KCNT2: variants seen among roughly 807,000 people sequenced by gnomAD.
The protein encoded by KCNT2 is potassium sodium-activated channel subfamily T member 2.
In KCNT2, 67 loss-of-function variants were observed where a neutral mutation model predicts 153.8. That is an observed-to-expected ratio of 0.44 (90% confidence interval 0.36 to 0.53). KCNT2 has a LOEUF of 0.53. Among genes scored for constraint, KCNT2 ranks in the 20% least tolerant of loss-of-function variants. KCNT2 has a pLI of 0.00. For missense variants in KCNT2, 975 were observed against 1,354.8 expected, an observed-to-expected ratio of 0.72 and a Z score of 4.40; for synonymous variants, 500 against 458.8, an observed-to-expected ratio of 1.09 and a Z score of -1.15.
intron 23 of KCNT2, 44 bp from the exon 24 acceptor site, chr1:196,282,400 TATA>T (rs764624338): frequency 1.1e-6 from 1 of 932,178 alleles, no homozygotes; most frequent in South Asian, 1.4e-5. Context: ...TATATTTATA[TATA>T]ATGTGTATGA....
chr1:196,397,084 A>G (rs1310395755), intron 13 of KCNT2, among the ~76,000 whole-genome samples: 1 of 151,512 alleles, frequency 6.6e-6, no homozygotes, highest in Admixed American at 6.6e-5. Flanking sequence ...AAACAGAGAC[A>G]TAATCTGTAT....
At chr1:196,353,038 C>G (rs1572143048) in intron 14 of KCNT2, among the ~76,000 whole-genome samples, 1 of 152,012 alleles carries the variant, frequency 6.6e-6, no homozygotes. Flanking sequence ...ATCCTGAGTT[C>G]TAGTTTGATT....
At chr1:196,405,383 CCAAAGT>C (rs1388594485) in intron 12 of KCNT2, among the ~76,000 whole-genome samples, 3 of 151,054 alleles carry the variant, frequency 2.0e-5, no homozygotes, top group African/African-American at 7.3e-5. Flanking sequence ...AACATTTTAC[CCAAAGT>C]CAGTTTGCCT....
chr1:196,287,323 G>C (rs973062525), intron 22 of KCNT2, among the ~76,000 whole-genome samples: 2 of 152,068 alleles, frequency 1.3e-5, no homozygotes, highest in East Asian at 1.9e-4. Flanking sequence ...CCTAGTTCTC[G>C]AGGTGTAACA....
chr1:196,282,913 C>T (rs917056613), intron 23 of KCNT2, among the ~76,000 whole-genome samples: 3 of 152,218 alleles, frequency 2.0e-5, no homozygotes, highest in Middle Eastern at 3.4e-3. Flanking sequence ...GGCATGATAG[C>T]GGCTCACTGC....
intron 14 of KCNT2, among the ~76,000 whole-genome samples, chr1:196,349,395 C>G (rs1666424274): frequency 6.6e-6 from 1 of 152,124 alleles, no homozygotes; most frequent in South Asian, 2.1e-4. Flanking sequence ...CTTACCAGCT[C>G]AGGCTTGTTC....
chr1:196,390,443 C>A (rs1432202399), intron 13 of KCNT2, among the ~76,000 whole-genome samples: 1 of 151,470 alleles, frequency 6.6e-6, no homozygotes, highest in East Asian at 1.9e-4. Context: ...TTGCTGCAGT[C>A]AGCTGATTTT....
intron 1 of KCNT2, among the ~76,000 whole-genome samples, chr1:196,510,461 T>C (rs1681522405): frequency 6.6e-6 from 1 of 152,178 alleles, no homozygotes; most frequent in Admixed American, 6.5e-5. Context: ...ATTTACTTTA[T>C]ATTTGTTATT....
chr1:196,273,367 T>A (rs1353398352), intron 25 of KCNT2: 1 of 721,974 alleles, frequency 1.4e-6, no homozygotes, highest in Non-Finnish European at 2.3e-6. Context: ...CATTTTAATG[T>A]CTGAGTATTA....
chr1:196,426,039 A>C, intron 10 of KCNT2, 51 bp from the exon 11 acceptor site: 1 of 1,390,700 alleles, frequency 7.2e-7, no homozygotes, highest in Non-Finnish European at 1.0e-6. Flanking sequence ...GTTTTATGTT[A>C]CACTACATAG....
chr1:196,506,907 C>T (rs1052007144), intron 1 of KCNT2, among the ~76,000 whole-genome samples: 1 of 152,104 alleles, frequency 6.6e-6, no homozygotes, highest in Non-Finnish European at 1.5e-5. Context: ...TTTTTAATGA[C>T]TGCATATCAT....
chr1:196,461,849 CAT>C (rs1284262368), intron 8 of KCNT2, among the ~76,000 whole-genome samples: 1 of 151,676 alleles, frequency 6.6e-6, no homozygotes, highest in Non-Finnish European at 1.5e-5. Context: ...TGGCACTAAA[CAT>C]GTGTCTCTTG....
chr1:196,417,071 C>T (rs1478061856), intron 12 of KCNT2, among the ~76,000 whole-genome samples: 1 of 151,930 alleles, frequency 6.6e-6, no homozygotes, highest in African/African-American at 2.4e-5. Context: ...TATTACATAC[C>T]CACAGAAATT....
Position 196,548,941 on chromosome 1 carries a change from T to G in KCNT2, c.96-56600A>C, listed in dbSNP as rs372782044. Among the ~76,000 whole-genome samples the G allele has an allele frequency of 4.8e-3, 685 of 141,822 alleles. 11 individuals carry two copies. Among genetic ancestry groups the G allele is most frequent in the East Asian group, 0.035 (171 of 4,828 alleles). The allele number at this position is 141,822 out of a possible 152,430, so 93.0% of individuals were successfully genotyped here. A position where few individuals can be genotyped will look rare whatever the true frequency, so the allele number is the denominator to read the frequency against. The stretch of plus-strand genomic sequence containing the variant: ...AACACCGCATAGTCTCACTCATAGG[T>G]GGGAATTGAACAATGAGAACACATG... On this transcript the variant is annotated intron_variant, in intron 1 of 27. Transcript: ENST00000294725.
At chr1:196,606,122 T>G (rs78698120) in intron 1 of KCNT2, among the ~76,000 whole-genome samples, 9,111 of 152,284 alleles carry the variant, frequency 0.06, 409 homozygotes, top group Non-Finnish European at 0.089. Flanking sequence ...GGAGTACTTA[T>G]TTCCAACTAA....
intron 8 of KCNT2, among the ~76,000 whole-genome samples, chr1:196,455,220 G>A (rs1453050065): frequency 2.6e-5 from 4 of 151,888 alleles, no homozygotes; most frequent in Admixed American, 2.6e-4. Context: ...GGATAACCCA[G>A]GATAATCTCC....
In KCNT2 at chr1:196,379,240, A is replaced by G. The variant is rs377442127; in HGVS notation, c.1295-5992T>C. ...TCATTTTTTTTCCTTCTAGCTTCTAATTCCCCTCCTTTGTTGAAGAAAGTG... is the reference window on the plus strand; with the variant it reads ...TCATTTTTTTTCCTTCTAGCTTCTAGTTCCCCTCCTTTGTTGAAGAAAGTG... On this transcript the variant is annotated intron_variant, in intron 13 of 27. Coordinates refer to ENST00000294725, the MANE Select transcript of KCNT2 (RefSeq NM_198503.5). Among the ~76,000 whole-genome samples, 5 of 152,054 alleles carry G rather than the reference A, an allele frequency of 3.3e-5. No homozygotes were observed. In the East Asian group the frequency reaches 5.8e-4, roughly 18 times the overall value.
At chr1:196,515,498 C>A (rs1558030350) in intron 1 of KCNT2, among the ~76,000 whole-genome samples, 1 of 152,088 alleles carries the variant, frequency 6.6e-6, no homozygotes, top group African/African-American at 2.4e-5. Flanking sequence ...AAGATGTGTT[C>A]TTTAGAACTA....
At chr1:196,596,554 T>C (rs530288925) in intron 1 of KCNT2, among the ~76,000 whole-genome samples, 9 of 152,196 alleles carry the variant, frequency 5.9e-5, no homozygotes, top group Non-Finnish European at 1.3e-4. Flanking sequence ...TTCATGTCCT[T>C]TGCCCACTTT....
Sources: allele counts gnomAD v4.1 joint callset (sites outside exome capture counted in the v4.1 genomes callset), GRCh38; gene constraint gnomAD v4.1.1; transcripts MANE v1.5; gene names NCBI Gene and HGNC (gene_info 2026-07-23, HGNC 2026-07-21).